VAV2: variants seen among roughly 807,000 people sequenced by gnomAD.
VAV2 encodes vav guanine nucleotide exchange factor 2, also known as guanine nucleotide exchange factor VAV2.
In VAV2, 67 loss-of-function variants were observed where a neutral mutation model predicts 132.5. The ratio of observed to expected loss-of-function variants is 0.51; its 90% confidence interval spans 0.42 to 0.62. The LOEUF (loss-of-function observed/expected upper bound fraction) is 0.62. Among genes scored for constraint, VAV2 ranks in the 20% least tolerant of loss-of-function variants. The pLI, the probability that VAV2 is intolerant of heterozygous loss-of-function variation, is 0.00. For synonymous variants in VAV2, 492 were observed against 443.5 expected, an observed-to-expected ratio of 1.11 and a Z score of -1.37; for missense variants, 938 against 1,153.6, an observed-to-expected ratio of 0.81 and a Z score of 2.71.
chr9:133,979,635 G>A lies in VAV2; in HGVS notation c.204+12440C>T, dbSNP rs1048829070. 1.1e-4 allele frequency among the ~76,000 whole-genome samples: 16 copies of A among 152,302 alleles called. No individual in the cohort carries two copies. The South Asian group carries it at 2.1e-3, about 20-fold the overall frequency. On this transcript the variant is annotated intron_variant, in intron 1 of 29. Coordinates refer to ENST00000371850, the MANE Select transcript of VAV2 (RefSeq NM_001134398.2). ...AGGACAGGCAGCCAGGCACTAATCCGGGCCCGGCCCCGCCTCCGGCCATGT... is the reference window on the plus strand; with the variant it reads ...AGGACAGGCAGCCAGGCACTAATCCAGGCCCGGCCCCGCCTCCGGCCATGT...
At chr9:133,870,592 A>C (rs1837987070) in intron 2 of VAV2, among the ~76,000 whole-genome samples, 1 of 152,056 alleles carries the variant, frequency 6.6e-6, no homozygotes, top group Non-Finnish European at 1.5e-5. Context: ...AGTCTGAGAG[A>C]CCACCTGAGC....
rs151153083 is a variant in VAV2 at position 133,898,181 on chromosome 9, C to A, written c.322-36749G>T. On this transcript the variant is annotated intron_variant, in intron 2 of 29. Coordinates refer to ENST00000371850, the MANE Select transcript of VAV2 (RefSeq NM_001134398.2). ...GGGCTGCAAAGCACAGAGAAGGAAACTGAGGCCGGGCGGGCACAGGTTGAT... is the reference window on the plus strand; with the variant it reads ...GGGCTGCAAAGCACAGAGAAGGAAAATGAGGCCGGGCGGGCACAGGTTGAT... Among the ~76,000 whole-genome samples the A allele has an allele frequency of 4.4e-3, 674 of 152,268 alleles. 4 individuals are homozygous for A. The highest frequency in any genetic ancestry group is 0.016 in the African/African-American group (655 of 41,492).
Position 133,776,043 on chromosome 9 carries a change from T to C in VAV2, c.2003A>G (p.Tyr668Cys). The C allele has an allele frequency of 6.2e-7, 1 of 1,613,034 alleles. No individual in the cohort carries two copies. The highest frequency in any genetic ancestry group is 8.5e-7 in the Non-Finnish European group (1 of 1,179,654). Residue 668 changes from tyrosine (Y) to cysteine (C), a missense_variant, in exon 24 of 30, where the codon TAC becomes TGC. Transcript: ENST00000371850. ...ATCCACTCACCAGGGGTATGCAGTGTAGTCGATCTCCCGGGATGGCGGCCG... is the reference window on the plus strand; with the variant it reads ...ATCCACTCACCAGGGGTATGCAGTGCAGTCGATCTCCCGGGATGGCGGCCG... ...ISRPPSREID[Y>C]TAYPWFAGNM...
chr9:133,806,829 T>C (rs947582015), intron 8 of VAV2, among the ~76,000 whole-genome samples: 1 of 152,234 alleles, frequency 6.6e-6, no homozygotes, highest in Non-Finnish European at 1.5e-5. Context: ...TGCCGGAGCC[T>C]GGTGCCAGCG....
At chr9:133,843,662 AG>A (rs1158884556) in intron 3 of VAV2, among the ~76,000 whole-genome samples, 1 of 152,112 alleles carries the variant, frequency 6.6e-6, no homozygotes, top group Admixed American at 6.5e-5. Context: ...TGAAGGAAGG[AG>A]GGGGAAGGTG....
intron 1 of VAV2, among the ~76,000 whole-genome samples, chr9:133,967,775 A>G (rs941768660): frequency 1.3e-5 from 2 of 151,626 alleles, no homozygotes; most frequent in Non-Finnish European, 2.9e-5. Flanking sequence ...CCTACTAAAA[A>G]TACAAAAATT....
At chr9:133,799,316 CCT>C in intron 9 of VAV2, among the ~76,000 whole-genome samples, 1 of 152,346 alleles carries the variant, frequency 6.6e-6, no homozygotes, top group Admixed American at 6.5e-5. Flanking sequence ...CGCCAGAGGC[CCT>C]GACACCCTCC....
chr9:133,843,203 G>A (rs990734942), intron 3 of VAV2, among the ~76,000 whole-genome samples: 4 of 152,124 alleles, frequency 2.6e-5, no homozygotes, highest in Non-Finnish European at 4.4e-5. Flanking sequence ...CACCCAGCAC[G>A]AAGGCAGCAC....
intron 3 of VAV2, among the ~76,000 whole-genome samples, chr9:133,835,578 T>C (rs1039989875): frequency 6.6e-6 from 1 of 152,152 alleles, no homozygotes; most frequent in Non-Finnish European, 1.5e-5. Context: ...CGTGTTCTGG[T>C]AGGAAACCTG....
intron 3 of VAV2, among the ~76,000 whole-genome samples, chr9:133,851,423 C>T (rs2486352): frequency 0.016 from 2,448 of 152,294 alleles, 58 homozygotes; most frequent in African/African-American, 0.055. Context: ...TCCAAAGGGC[C>T]GGTGAGGACA....
chr9:133,835,302 C>T (rs1245682960), intron 3 of VAV2, among the ~76,000 whole-genome samples: 1 of 151,950 alleles, frequency 6.6e-6, no homozygotes, highest in African/African-American at 2.4e-5. Flanking sequence ...GGTGTGGCCC[C>T]GAGTCTACAG....
Position 133,763,906 on chromosome 9 carries a change from G to T in VAV2, c.*156C>A. On this transcript the variant is annotated 3_prime_UTR_variant, in exon 30 of 30. Transcript: ENST00000371850. The surrounding 1 kb of genome is among the most constrained non-coding windows in gnomAD (Gnocchi z 6.8). Reference sequence around the variant, plus strand: ...GGGCAGGCTGACAGTGAAACGGTTCGAGTTTAGGATTCTCAACACCCTCCC... The same window carrying T: ...GGGCAGGCTGACAGTGAAACGGTTCTAGTTTAGGATTCTCAACACCCTCCC... 1 of 874,014 alleles carries T rather than the reference G, an allele frequency of 1.1e-6. No individual in the cohort carries two copies. Among genetic ancestry groups the T allele is most frequent in the African/African-American group, 1.7e-5 (1 of 59,784 alleles). 54.1% of individuals were successfully genotyped at this position (874,014 alleles called of 1,614,324 possible).
At chr9:133,808,851 G>A (rs1835253633) in intron 7 of VAV2, among the ~76,000 whole-genome samples, 189 bp downstream of exon 7, 1 of 152,212 alleles carries the variant, frequency 6.6e-6, no homozygotes, top group Non-Finnish European at 1.5e-5. Context: ...GGCTTCAGAG[G>A]AAAGGAGAGG....
At chr9:133,950,503 G>C (rs1361694775) in intron 1 of VAV2, among the ~76,000 whole-genome samples, 1 of 152,200 alleles carries the variant, frequency 6.6e-6, no homozygotes. Context: ...GTGGGTTTAA[G>C]CCAAGGCGGG....
In VAV2 at chr9:133,834,409, A is replaced by T; in HGVS notation, c.381-69T>A. 1 of 1,524,002 alleles carries T rather than the reference A, an allele frequency of 6.6e-7. No homozygotes were observed. The highest frequency in any genetic ancestry group is 1.2e-5 in the South Asian group (1 of 85,170). The allele number at this position is 1,524,002 out of a possible 1,614,324, so 94.4% of individuals were successfully genotyped here. On this transcript the variant is annotated intron_variant, in intron 3 of 29. Coordinates refer to ENST00000371850, the MANE Select transcript of VAV2 (RefSeq NM_001134398.2). This position sits in a 1 kb window ranked among gnomAD's most constrained non-coding sequence, Gnocchi z 5.9. ...TGCCGGCCAGTGGGACCCCAGCTGG[A>T]CCCCACAGCAGAGCCCAGTGTGGCC...
Position 133,828,211 on chromosome 9 carries a change from G to GACCA in VAV2, c.449+6060_449+6061insTGGT, listed in dbSNP as rs1836108592. Among the ~76,000 whole-genome samples, 2 of 2,944 alleles carry GACCA rather than the reference G, an allele frequency of 6.8e-4. 1 individual carries two copies. The highest frequency in any genetic ancestry group is 1.5e-3 in the Non-Finnish European group (2 of 1,378). The allele number at this position is 2,944 out of a possible 152,430, so 1.9% of individuals were successfully genotyped here. On this transcript the variant is annotated intron_variant, in intron 4 of 29. Coordinates refer to ENST00000371850, the MANE Select transcript of VAV2 (RefSeq NM_001134398.2). ...TGCCCACTGAGGCTGACCACTGAGT[G>GACCA]GGGGCATCACCACCTACCGCTGCGC... is the stretch of plus-strand genomic sequence containing the variant.
chr9:133,809,376 C>A (rs1001363705), intron 6 of VAV2, among the ~76,000 whole-genome samples: 6 of 152,138 alleles, frequency 3.9e-5, no homozygotes, highest in Non-Finnish European at 8.8e-5. Context: ...GGGGACAGTG[C>A]CAAGGAAGGC....
intron 1 of VAV2, among the ~76,000 whole-genome samples, chr9:133,956,341 T>C (rs1841778770): frequency 6.6e-6 from 1 of 152,062 alleles, no homozygotes; most frequent in East Asian, 1.9e-4. Context: ...CCCAAGCCCC[T>C]GGGGAGGGTC....
intron 3 of VAV2, among the ~76,000 whole-genome samples, chr9:133,849,694 C>G (rs73553991): frequency 3.2e-3 from 486 of 152,294 alleles, no homozygotes; most frequent in African/African-American, 0.011. Flanking sequence ...GGGGGAGGGT[C>G]CTTCCTGCCT....
Sources: allele counts gnomAD v4.1 joint callset (sites outside exome capture counted in the v4.1 genomes callset), GRCh38; gene constraint gnomAD v4.1.1; non-coding constraint Gnocchi (gnomAD v3.1); transcripts MANE v1.5; gene names NCBI Gene and HGNC (gene_info 2026-07-23, HGNC 2026-07-21).